The following CEP44 variants were observed in gnomAD, a reference collection of about 807,000 sequenced individuals.
The protein encoded by CEP44 is centrosomal protein 44.
A neutral mutation model predicts 46.7 loss-of-function variants in CEP44; 45 were observed. The observed-to-expected ratio is 0.96, with a 90% CI of 0.76 to 1.24. The LOEUF is 1.24. Among genes scored for constraint, CEP44 ranks in the 50% most tolerant of loss-of-function variants. The pLI, the probability that CEP44 is intolerant of heterozygous loss-of-function variation, is 0.00. For missense variants in CEP44, 475 were observed against 459.7 expected, an observed-to-expected ratio of 1.03 and a Z score of -0.30; for synonymous variants, 142 against 146.0, an observed-to-expected ratio of 0.97 and a Z score of 0.20.
chr4:174,294,798 TG>T (rs1738702221), intron 1 of CEP44, among the ~76,000 whole-genome samples: 1 of 83,376 alleles, frequency 1.2e-5, no homozygotes, highest in African/African-American at 4.7e-5. Flanking sequence ...GCTGGCCGGG[TG>T]GGGGGCTGAC....
intron 6 of CEP44, 21 bp from the exon 7 acceptor site, chr4:174,308,668 T>C: frequency 6.4e-7 from 1 of 1,573,780 alleles, no homozygotes; most frequent in Non-Finnish European, 8.6e-7. Context: ...AAGTGTTTCT[T>C]ACATATTTTT....
At chr4:174,315,509 T>C (rs1484545542) in intron 9 of CEP44, among the ~76,000 whole-genome samples, 1 of 152,186 alleles carries the variant, frequency 6.6e-6, no homozygotes, top group African/African-American at 2.4e-5. Context: ...AAGATATATA[T>C]GGTCAGTTAT....
At chr4:174,321,262 G>A (rs549778898), downstream of CEP44, among the ~76,000 whole-genome samples, 1 of 152,070 alleles carries the variant, frequency 6.6e-6, no homozygotes, top group Non-Finnish European at 1.5e-5. Flanking sequence ...TTGAATCTAA[G>A]CCTTCAAATT....
At chr4:174,299,956 C>T (rs1047682473) in intron 3 of CEP44, among the ~76,000 whole-genome samples, 3 of 152,126 alleles carry the variant, frequency 2.0e-5, no homozygotes, top group Admixed American at 2.0e-4. Context: ...GTTAAATGTT[C>T]ATTGGTTACT....
intron 11 of CEP44, 124 bp downstream of exon 11, chr4:174,316,691 T>C: frequency 1.2e-6 from 1 of 820,946 alleles, no homozygotes; most frequent in Non-Finnish European, 1.8e-6. Flanking sequence ...GTGTGGAATT[T>C]CCTTCAGGAC....
At chr4:174,284,180 G>A in intron 1 of CEP44, 1 of 397,804 alleles carries the variant, frequency 2.5e-6, no homozygotes, top group Non-Finnish European at 4.4e-6. Context: ...CCTGGTATTG[G>A]GCGGAGGTCG....
At position 174,299,166 on chromosome 4, in the gene CEP44, G is replaced by C. The variant is rs370516561; in HGVS notation, c.45G>C (p.Gln15His). 3.0e-5 allele frequency: 49 copies of C among 1,613,648 alleles called. No individual in the cohort carries two copies. Among genetic ancestry groups the C allele is most frequent in the Admixed American group, 1.2e-4 (7 of 59,990 alleles). Residue 15 changes from glutamine to histidine, a missense_variant, in exon 3 of 12, where the codon CAG becomes CAC. Gln to His is a conservative substitution (Grantham distance 24). Coordinates refer to ENST00000503780, the MANE Select transcript of CEP44 (RefSeq NM_001040157.3). ...AAAGAAGCTTACGGAACCTAGAACA[G>C]GTGCTCCGCTTGCTAAATTATCCTG... ...DLKRSLRNLE[Q>H]VLRLLNYPEE...
chr4:174,295,444 G>C (rs1738871252), intron 1 of CEP44, among the ~76,000 whole-genome samples: 1 of 151,618 alleles, frequency 6.6e-6, no homozygotes, highest in Non-Finnish European at 1.5e-5. Flanking sequence ...GCCAGGAAGA[G>C]GCGCTCCTCA....
chr4:174,305,818 A>C (rs1017503022), intron 6 of CEP44, among the ~76,000 whole-genome samples: 1 of 152,200 alleles, frequency 6.6e-6, no homozygotes, highest in Non-Finnish European at 1.5e-5. Flanking sequence ...TTATTTATTG[A>C]TATAATGTGC....
At chr4:174,306,951 A>G (rs1376188027) in intron 6 of CEP44, among the ~76,000 whole-genome samples, 1 of 152,170 alleles carries the variant, frequency 6.6e-6, no homozygotes, top group Non-Finnish European at 1.5e-5. Flanking sequence ...CATTGCTCAA[A>G]GAAATCAGAG....
At position 174,331,546 on chromosome 4, in the gene CEP44, C is replaced by T. The variant is rs1361529536; in HGVS notation, c.1151C>T (p.Thr384Ile). The T allele has an allele frequency of 6.4e-7, 1 of 1,551,582 alleles. No individual in the cohort carries two copies. The highest frequency in any genetic ancestry group is 8.7e-7 in the Non-Finnish European group (1 of 1,146,916). ...CTCAGCTGGCTGCTCCGTGGGCATACTTCATACCTTTCATCACAGAGCTTT... is the reference window on the plus strand; with the variant it reads ...CTCAGCTGGCTGCTCCGTGGGCATATTTCATACCTTTCATCACAGAGCTTT... The change falls in exon 9 of 9, where the codon ACT becomes ATT. Residue 384 changes from threonine to isoleucine, a missense_variant. Physicochemically the swap from Thr to Ile is moderately conservative, Grantham distance 89. Coordinates refer to the CEP44 transcript ENST00000426172. This position sits in a 1 kb window ranked among gnomAD's most constrained non-coding sequence, Gnocchi z 4.5.
At position 174,329,415 on chromosome 4, in the gene CEP44, CTT is replaced by C. The variant is rs1731195508; in HGVS notation, c.1087-2066_1087-2065del. Among the ~76,000 whole-genome samples the C allele has an allele frequency of 6.6e-6, 1 of 152,086 alleles. No homozygotes were observed. Among genetic ancestry groups the C allele is most frequent in the African/African-American group, 2.4e-5 (1 of 41,402 alleles). On this transcript the variant is annotated intron_variant, in intron 8 of 8. Transcript: ENST00000426172. The surrounding 1 kb of genome is among the most constrained non-coding windows in gnomAD (Gnocchi z 4.0). ...TAGAAAAGTTGTTAGCACTTTCCCT[CTT>C]AGTACAGTTTTAAGTTGGTTTTACA...
rs1432706644 is a variant in CEP44 at position 174,301,521 on chromosome 4, G to A, written c.90-518G>A. On this transcript the variant is annotated intron_variant, in intron 3 of 11. Coordinates refer to ENST00000503780, the MANE Select transcript of CEP44 (RefSeq NM_001040157.3). The surrounding 1 kb of genome is among the most constrained non-coding windows in gnomAD (Gnocchi z 4.3). The stretch of plus-strand genomic sequence containing the variant: ...GGAATTAACATAGGTAATAATATAC[G>A]ATTTAGAAGGAGCAGTAAGTGAAAA... 6.6e-6 allele frequency among the ~76,000 whole-genome samples: 1 copy of A among 152,110 alleles called. No homozygotes were observed. The highest frequency in any genetic ancestry group is 1.5e-5 in the Non-Finnish European group (1 of 68,012).
At chr4:174,294,800 G>C (rs1210874178) in intron 1 of CEP44, among the ~76,000 whole-genome samples, 3 of 144,634 alleles carry the variant, frequency 2.1e-5, no homozygotes, top group Non-Finnish European at 3.1e-5. Context: ...TGGCCGGGTG[G>C]GGGGCTGACC....
intron 1 of CEP44, chr4:174,284,255 CT>C (rs1256559503): frequency 2.5e-6 from 1 of 395,948 alleles, no homozygotes; most frequent in African/African-American, 2.1e-5. Flanking sequence ...CCTTTTCATT[CT>C]TTTAAATCAA....
chr4:174,309,819 AT>A lies in CEP44; in HGVS notation c.679-27del. The A allele has an allele frequency of 1.4e-6, 2 of 1,421,572 alleles. No homozygotes were observed. The highest frequency in any genetic ancestry group is 1.9e-6 in the Non-Finnish European group (2 of 1,030,932). The allele number at this position is 1,421,572 out of a possible 1,614,324, so 88.1% of individuals were successfully genotyped here. A position where few individuals can be genotyped will look rare whatever the true frequency, so the allele number is the denominator to read the frequency against. On this transcript the variant is annotated intron_variant, in intron 7 of 11. Coordinates refer to ENST00000503780, the MANE Select transcript of CEP44 (RefSeq NM_001040157.3). This position sits in a 1 kb window ranked among gnomAD's most constrained non-coding sequence, Gnocchi z 5.3. ...TTTTAAAGAAATTTCAGTTTGTTTAATTTTATTTTTAATCTCTCTAACCTTT... is the reference window on the plus strand; with the variant it reads ...TTTTAAAGAAATTTCAGTTTGTTTAATTTATTTTTAATCTCTCTAACCTTT...
chr4:174,308,625 TA>T, intron 6 of CEP44, 63 bp from the exon 7 acceptor site: 1 of 1,515,942 alleles, frequency 6.6e-7, no homozygotes, highest in East Asian at 2.3e-5. Flanking sequence ...ACTTAAAAGT[TA>T]AAAAATAAAT....
At chr4:174,300,431 T>C (rs915922639) in intron 3 of CEP44, among the ~76,000 whole-genome samples, 4 of 152,086 alleles carry the variant, frequency 2.6e-5, no homozygotes, top group African/African-American at 9.7e-5. Flanking sequence ...CCAGTTTGAG[T>C]AGCCAAGTCT....
chr4:174,286,541 T>C lies in CEP44; in HGVS notation c.-148+2598T>C, dbSNP rs1366041204. Among the ~76,000 whole-genome samples, 6 of 152,212 alleles carry C rather than the reference T, an allele frequency of 3.9e-5. No homozygotes were observed. The highest frequency in any genetic ancestry group is 6.5e-5 in the Admixed American group (1 of 15,288). On this transcript the variant is annotated intron_variant, in intron 1 of 11. Transcript: ENST00000503780. The surrounding 1 kb of genome is among the most constrained non-coding windows in gnomAD (Gnocchi z 5.2). ...TCTTCTATGAAGTGTCCATGGACAG[T>C]TGTGGTAGATGTTTTTATGTAAGTT...
Sources: allele counts gnomAD v4.1 joint callset (sites outside exome capture counted in the v4.1 genomes callset), GRCh38; gene constraint gnomAD v4.1.1; non-coding constraint Gnocchi (gnomAD v3.1); transcripts MANE v1.5; gene names NCBI Gene and HGNC (gene_info 2026-07-23, HGNC 2026-07-21).